The following MEGF10 variants were observed in gnomAD, a reference collection of about 807,000 sequenced individuals.
MEGF10 encodes multiple EGF like domains 10, also known as multiple epidermal growth factor-like domains protein 10.
MEGF10 carries 86 observed loss-of-function variants against 147.5 expected under a neutral mutation model. The observed-to-expected ratio is 0.58, with a 90% CI of 0.49 to 0.70. MEGF10 has a LOEUF of 0.70. Among genes scored for constraint, MEGF10 ranks in the 30% least tolerant of loss-of-function variants. The pLI is 0.00. For synonymous variants in MEGF10, 478 were observed against 525.5 expected (o/e 0.91, Z 1.24); for missense variants, 1,329 against 1,487.3 (o/e 0.89, Z 1.75).
chr5:127,380,732 T>C (rs1763223238), intron 5 of MEGF10, among the ~76,000 whole-genome samples: 1 of 152,150 alleles, frequency 6.6e-6, no homozygotes, highest in Non-Finnish European at 1.5e-5. Context: ...TTGGCCAGTC[T>C]GGTCTCGAAC....
rs771296610 is a variant in MEGF10, at chr5:127,410,378, T to C, written c.918-11T>C. 3.1e-6 allele frequency: 5 copies of C among 1,613,430 alleles called. No individual in the cohort carries two copies. The highest frequency in any genetic ancestry group is 1.7e-5 in the Admixed American group (1 of 60,006). On this transcript the variant is annotated splice_polypyrimidine_tract_variant and intron_variant, in intron 8 of 24. Coordinates refer to ENST00000503335, the MANE Select transcript of MEGF10 (RefSeq NM_001256545.2). Reference sequence around the variant, plus strand: ...TAATCTTTCTTCTTGCTCCTGCCTCTTGCTTGGTAGGTGCCAGGATGAGTG... The same window carrying C: ...TAATCTTTCTTCTTGCTCCTGCCTCCTGCTTGGTAGGTGCCAGGATGAGTG...
At chr5:127,254,810 G>GAA in the MEGF10 span, among the ~76,000 whole-genome samples, 1 of 144,400 alleles carries the variant, frequency 6.9e-6, no homozygotes, top group Admixed American at 6.9e-5. Flanking sequence ...GACTCCATCT[G>GAA]AAAAAAAAAA....
intron 4 of MEGF10, among the ~76,000 whole-genome samples, chr5:127,343,423 T>A (rs943669643): frequency 1.3e-4 from 20 of 151,976 alleles, no homozygotes; most frequent in Middle Eastern, 3.4e-3. Flanking sequence ...CTGTAGATGG[T>A]CATTCTGGAG....
chr5:127,438,413 G>A (rs779581327), intron 16 of MEGF10, 26 bp from the exon 17 acceptor site: 9 of 1,611,642 alleles, frequency 5.6e-6, no homozygotes, highest in Non-Finnish European at 7.6e-6. Flanking sequence ...GAACTCTGAT[G>A]GACTTCTCCA....
chr5:127,280,614 C>G, the MEGF10 span, among the ~76,000 whole-genome samples: 2 of 152,140 alleles, frequency 1.3e-5, no homozygotes, highest in Non-Finnish European at 2.9e-5. Flanking sequence ...AGCAGGGCTA[C>G]TACATACACG....
chr5:127,352,457 T>G (rs1275788450), intron 4 of MEGF10, among the ~76,000 whole-genome samples: 2 of 151,934 alleles, frequency 1.3e-5, no homozygotes, highest in Non-Finnish European at 1.5e-5. Context: ...AGGTCAGGAG[T>G]TCGAGACTAG....
At chr5:127,271,700 C>T in the MEGF10 span, among the ~76,000 whole-genome samples, 24 of 152,042 alleles carry the variant, frequency 1.6e-4, no homozygotes, top group African/African-American at 5.6e-4. Context: ...GGCTTTTCCC[C>T]CTTTGCTTGG....
the MEGF10 span, among the ~76,000 whole-genome samples, chr5:127,246,148 A>G: frequency 3.3e-5 from 5 of 152,232 alleles, no homozygotes; most frequent in Non-Finnish European, 7.3e-5. Context: ...ATAAAGATAT[A>G]TGCACATGTA....
At chr5:127,437,258 T>A (rs1765583623) in intron 16 of MEGF10, among the ~76,000 whole-genome samples, 1 of 152,208 alleles carries the variant, frequency 6.6e-6, no homozygotes, top group Non-Finnish European at 1.5e-5. Flanking sequence ...ATAACAAATA[T>A]TATTATTAAT....
At chr5:127,449,046 C>T in intron 21 of MEGF10, 53 bp from the exon 22 acceptor site, 3 of 1,604,394 alleles carry the variant, frequency 1.9e-6, no homozygotes, top group Non-Finnish European at 2.6e-6. Flanking sequence ...TAACGCTGTG[C>T]TGTGCCGCAT....
chr5:127,363,641 G>A (rs1040800760), intron 4 of MEGF10, among the ~76,000 whole-genome samples: 3 of 152,206 alleles, frequency 2.0e-5, no homozygotes, highest in Non-Finnish European at 4.4e-5. Flanking sequence ...AAGGTTGAAG[G>A]TTAGACATTG....
At chr5:127,404,838 C>T (rs1039715058) in intron 8 of MEGF10, among the ~76,000 whole-genome samples, 1 of 151,974 alleles carries the variant, frequency 6.6e-6, no homozygotes, top group Non-Finnish European at 1.5e-5. Context: ...GCCTCAGCCT[C>T]CCTAGTAGTT....
the MEGF10 span, among the ~76,000 whole-genome samples, chr5:127,256,143 T>C: frequency 1.3e-5 from 2 of 152,182 alleles, no homozygotes; most frequent in African/African-American, 4.8e-5. Context: ...GTACCTGGTA[T>C]TGTGTTTTAA....
the MEGF10 span, among the ~76,000 whole-genome samples, chr5:127,246,336 C>T: frequency 6.6e-6 from 1 of 151,296 alleles, no homozygotes; most frequent in African/African-American, 2.5e-5. Flanking sequence ...CCACCATTCT[C>T]AGCAAACTAA....
chr5:127,244,366 CG>C, the MEGF10 span, among the ~76,000 whole-genome samples: 1 of 133,476 alleles, frequency 7.5e-6, no homozygotes, highest in African/African-American at 2.8e-5. Context: ...TGCGAGACTC[CG>C]AAAAAAAAAA....
chr5:127,430,129 A>T (rs1765344598), intron 13 of MEGF10, among the ~76,000 whole-genome samples: 1 of 151,974 alleles, frequency 6.6e-6, no homozygotes, highest in African/African-American at 2.4e-5. Context: ...CCTGATCATG[A>T]TCCCCAGGCA....
chr5:127,362,580 G>A (rs986356785), intron 4 of MEGF10, among the ~76,000 whole-genome samples: 4 of 151,862 alleles, frequency 2.6e-5, no homozygotes, highest in African/African-American at 4.8e-5. Flanking sequence ...TTGCCAGGAT[G>A]GTCTCCATCT....
chr5:127,258,838 C>T, the MEGF10 span, among the ~76,000 whole-genome samples: 43 of 152,268 alleles, frequency 2.8e-4, no homozygotes, highest in South Asian at 8.3e-4. Context: ...TCTTGAACTT[C>T]CCAGCCTCCA....
the MEGF10 span, among the ~76,000 whole-genome samples, chr5:127,260,459 T>C: frequency 1.3e-5 from 2 of 152,168 alleles, no homozygotes; most frequent in African/African-American, 4.8e-5. Flanking sequence ...CTGGTAAACC[T>C]CCCTTCATGT....
Sources: gnomAD v4.1 joint callset for allele counts (sites outside exome capture counted in the v4.1 genomes callset) on GRCh38, gnomAD v4.1.1 for gene constraint, MANE v1.5 for transcripts, NCBI Gene and HGNC (gene_info 2026-07-23, HGNC 2026-07-21) for gene names.